Variants in KDM4C observed in about 807,000 individuals in gnomAD.
The protein encoded by KDM4C is lysine demethylase 4C.
KDM4C carries 81 observed loss-of-function variants against 129.3 expected under a neutral mutation model. The ratio of observed to expected loss-of-function variants is 0.63; its 90% CI spans 0.52 to 0.75. The LOEUF is 0.75. Ranked by LOEUF, KDM4C falls within the 30% of genes least tolerant of loss-of-function variation. The probability of loss-of-function intolerance (pLI) is 0.00; values close to 1 mark genes in which losing one functional copy is unlikely to be tolerated. For synonymous variants in KDM4C, 573 were observed against 456.1 expected (o/e 1.26, Z -3.26); for missense variants, 1,457 against 1,304.0 (o/e 1.12, Z -1.81).
chr9:6,900,483 T>C (rs1437032013), intron 8 of KDM4C, among the ~76,000 whole-genome samples: 1 of 152,194 alleles, frequency 6.6e-6, no homozygotes, highest in Non-Finnish European at 1.5e-5. Context: ...CTAAAGTCAG[T>C]GGAGCCAGGG....
At chr9:6,721,649 C>T (rs533361374) in intron 1 of KDM4C, among the ~76,000 whole-genome samples, 9 of 143,886 alleles carry the variant, frequency 6.3e-5, no homozygotes, top group African/African-American at 2.1e-4. Context: ...AGTGCAGTGG[C>T]GTGGTCTCGG....
chr9:6,766,284 T>A (rs1332280647), intron 1 of KDM4C, among the ~76,000 whole-genome samples: 1 of 152,216 alleles, frequency 6.6e-6, no homozygotes, highest in Non-Finnish European at 1.5e-5. Context: ...GAGTGTCATG[T>A]TTGCCCTCGA....
chr9:7,117,846 C>G (rs77178626), intron 18 of KDM4C, among the ~76,000 whole-genome samples: 7 of 152,146 alleles, frequency 4.6e-5, no homozygotes, highest in African/African-American at 1.4e-4. Flanking sequence ...TGACTGTAGG[C>G]GAAGCTCATG....
intron 8 of KDM4C, among the ~76,000 whole-genome samples, chr9:6,969,388 A>G (rs1831547659): frequency 6.6e-6 from 1 of 152,236 alleles, no homozygotes; most frequent in Non-Finnish European, 1.5e-5. Context: ...TCTAAAAATC[A>G]AGCCTCCACA....
chr9:7,105,610 C>A (rs898079074), intron 18 of KDM4C: 4 of 378,314 alleles, frequency 1.1e-5, no homozygotes, highest in African/African-American at 8.4e-5. Context: ...AATGTAAATG[C>A]CTTTTTAGCT....
intron 17 of KDM4C, among the ~76,000 whole-genome samples, chr9:7,084,895 T>C (rs1834935312): frequency 6.6e-6 from 1 of 152,198 alleles, no homozygotes; most frequent in Admixed American, 6.5e-5. Flanking sequence ...TGAAGAGAGA[T>C]ACGTTAAACA....
intron 12 of KDM4C, among the ~76,000 whole-genome samples, chr9:7,009,425 T>C (rs1041935004): frequency 1.3e-5 from 2 of 152,226 alleles, no homozygotes; most frequent in Non-Finnish European, 2.9e-5. Flanking sequence ...TCTTGAACTT[T>C]AGTGTGTACA....
intron 4 of KDM4C, among the ~76,000 whole-genome samples, chr9:6,824,498 A>C (rs1287546457): frequency 6.6e-6 from 1 of 152,112 alleles, no homozygotes; most frequent in East Asian, 1.9e-4. Flanking sequence ...TAGTTCTCAA[A>C]CTTTCATCTT....
At chr9:7,109,401 T>A (rs1301606069) in intron 18 of KDM4C, among the ~76,000 whole-genome samples, 1 of 152,230 alleles carries the variant, frequency 6.6e-6, no homozygotes, top group African/African-American at 2.4e-5. Flanking sequence ...TCTCTCCAAC[T>A]TTCTAGAATT....
intron 17 of KDM4C, among the ~76,000 whole-genome samples, chr9:7,081,261 T>A (rs1199631501): frequency 2.0e-5 from 3 of 152,178 alleles, no homozygotes; most frequent in African/African-American, 7.2e-5. Flanking sequence ...TGGGGTGGAC[T>A]TCAGGACCTG....
intron 1 of KDM4C, among the ~76,000 whole-genome samples, chr9:6,725,913 C>G (rs1817110123): frequency 1.4e-5 from 2 of 140,090 alleles, no homozygotes; most frequent in African/African-American, 2.7e-5. Context: ...GGGTTTCTTT[C>G]TTTTCTTTTC....
chr9:6,879,001 A>T (rs1256138737), intron 5 of KDM4C, among the ~76,000 whole-genome samples: 2 of 152,184 alleles, frequency 1.3e-5, no homozygotes, highest in African/African-American at 4.8e-5. Flanking sequence ...ATATGATTGA[A>T]TTTTCTTTTA....
intron 2 of KDM4C, among the ~76,000 whole-genome samples, chr9:6,798,741 A>T (rs1263581128): frequency 6.6e-6 from 1 of 152,136 alleles, no homozygotes; most frequent in Non-Finnish European, 1.5e-5. Flanking sequence ...GCCCGTTCTC[A>T]ATGAGCTGTT....
In KDM4C at chr9:6,793,717, A is replaced by G. The variant is rs989310489; in HGVS notation, c.144+585A>G. Among the ~76,000 whole-genome samples, 19 of 151,272 alleles carry G rather than the reference A, an allele frequency of 1.3e-4. 1 individual carries two copies. Among genetic ancestry groups the G allele is most frequent in the Non-Finnish European group, 2.8e-4 (19 of 67,844 alleles). On this transcript the variant is annotated intron_variant, in intron 2 of 21. Coordinates refer to ENST00000381309, the MANE Select transcript of KDM4C (RefSeq NM_015061.6). Reference sequence around the variant, plus strand: ...CACCATGCCCCGCTAATTTTTTTGTATTTTTAGTTGAGACGGGGTTTCACC... The same window carrying G: ...CACCATGCCCCGCTAATTTTTTTGTGTTTTTAGTTGAGACGGGGTTTCACC...
At chr9:6,978,101 A>G (rs1440224421) in intron 8 of KDM4C, among the ~76,000 whole-genome samples, 2 of 152,122 alleles carry the variant, frequency 1.3e-5, no homozygotes, top group African/African-American at 2.4e-5. Context: ...GTTTAATTCT[A>G]TTGTCAGCCC....
chr9:6,722,918 G>C (rs976116253), intron 1 of KDM4C, among the ~76,000 whole-genome samples: 1 of 152,092 alleles, frequency 6.6e-6, no homozygotes, highest in African/African-American at 2.4e-5. Context: ...AGGAGGTTGA[G>C]GTTGCAGTGA....
chr9:6,998,725 G>A (rs1272287582), intron 12 of KDM4C, among the ~76,000 whole-genome samples: 1 of 152,184 alleles, frequency 6.6e-6, no homozygotes, highest in Admixed American at 6.5e-5. Context: ...GAACCTGGGA[G>A]GTGGAGGCTG....
intron 1 of KDM4C, among the ~76,000 whole-genome samples, chr9:6,746,262 GTTTTTTTTTT>G (rs778939269): frequency 4.9e-5 from 3 of 61,198 alleles, no homozygotes; most frequent in South Asian, 1.3e-3. Flanking sequence ...ATATATATAT[GTTTTTTTTTT>G]TTTTTTTTTT....
intron 18 of KDM4C, among the ~76,000 whole-genome samples, chr9:7,109,871 G>A (rs1838122856): frequency 6.6e-6 from 1 of 152,066 alleles, no homozygotes; most frequent in Admixed American, 6.6e-5. Flanking sequence ...ATGTGTCAAG[G>A]GCAGTCCAGG....
Sources: allele counts gnomAD v4.1 joint callset (sites outside exome capture counted in the v4.1 genomes callset), GRCh38; gene constraint gnomAD v4.1.1; transcripts MANE v1.5; gene names NCBI Gene and HGNC (gene_info 2026-07-23, HGNC 2026-07-21).